AOAH: variants seen among roughly 807,000 people sequenced by gnomAD.
The protein encoded by AOAH is acyloxyacyl hydrolase.
In AOAH, 64 loss-of-function variants were observed where a neutral mutation model predicts 92.2. That is an observed-to-expected ratio of 0.69 (90% confidence interval 0.57 to 0.86). AOAH has a LOEUF of 0.86. Among genes scored for constraint, AOAH ranks in the 40% least tolerant of loss-of-function variants. AOAH has a pLI of 0.00. For synonymous variants in AOAH, 263 were observed against 254.5 expected (o/e 1.03, Z -0.32); for missense variants, 656 against 694.6 (o/e 0.94, Z 0.62).
At chr7:36,545,155 T>C (rs2116261191) in intron 15 of AOAH, among the ~76,000 whole-genome samples, 1 of 152,200 alleles carries the variant, frequency 6.6e-6, no homozygotes, top group South Asian at 2.1e-4. Flanking sequence ...GGGCTCAAGC[T>C]ATCCTCCCAC....
At chr7:36,534,658 T>A (rs546462052) in intron 16 of AOAH, among the ~76,000 whole-genome samples, 1 of 146,148 alleles carries the variant, frequency 6.8e-6, no homozygotes, top group Non-Finnish European at 1.6e-5. Flanking sequence ...TTATCTTTGT[T>A]TCTTTAATGT....
At chr7:36,687,737 G>A (rs879373117) in intron 1 of AOAH, among the ~76,000 whole-genome samples, 1 of 152,180 alleles carries the variant, frequency 6.6e-6, no homozygotes, top group African/African-American at 2.4e-5. Flanking sequence ...TGGGCCAGCA[G>A]TAGGCTCTTG....
rs7784740 is a variant in AOAH, at chr7:36,675,129, G to A, written c.224-1120C>T. On this transcript the variant is annotated intron_variant, in intron 2 of 20. Coordinates refer to ENST00000617537, the MANE Select transcript of AOAH (RefSeq NM_001637.4). Reference sequence around the variant, plus strand: ...AAATTAGCTGGGTGTAGTGGCAGGTGCTTGTAATCCCAGTTACTAGGGAGG... The same window carrying A: ...AAATTAGCTGGGTGTAGTGGCAGGTACTTGTAATCCCAGTTACTAGGGAGG... Among the ~76,000 whole-genome samples, 1,000 of 152,274 alleles carry A rather than the reference G, an allele frequency of 6.6e-3. 13 individuals are homozygous for A. The highest frequency in any genetic ancestry group is 0.023 in the African/African-American group (962 of 41,570).
At chr7:36,722,113 A>G (rs1584200047) in intron 1 of AOAH, among the ~76,000 whole-genome samples, 1 of 151,912 alleles carries the variant, frequency 6.6e-6, no homozygotes, top group Non-Finnish European at 1.5e-5. Flanking sequence ...TCCGAATACC[A>G]CCTCCTAACC....
chr7:36,530,414 T>C lies in AOAH; in HGVS notation c.1522+4A>G. The stretch of plus-strand genomic sequence containing the variant: ...TCTGTCAATACCCAAACAAAGCTAC[T>C]TACTTTCATGGAAGGCAAAATCCAT... On this transcript the variant is annotated splice_donor_region_variant and intron_variant, in intron 19 of 20. Coordinates refer to ENST00000617537, the MANE Select transcript of AOAH (RefSeq NM_001637.4). 6.2e-7 allele frequency: 1 copy of C among 1,601,168 alleles called. No homozygotes were observed. The highest frequency in any genetic ancestry group is 8.6e-7 in the Non-Finnish European group (1 of 1,168,252).
chr7:36,535,034 GTC>G (rs1491221358), intron 16 of AOAH, among the ~76,000 whole-genome samples: 22 of 121,230 alleles, frequency 1.8e-4, no homozygotes, highest in South Asian at 5.6e-4. Context: ...CTGTGTGTGT[GTC>G]TGTGTGTGTG....
At position 36,516,429 on chromosome 7, in the gene AOAH, C is replaced by T. The variant is rs1276831199; in HGVS notation, c.1600-3049G>A. Among the ~76,000 whole-genome samples, 7 of 116,812 alleles carry T rather than the reference C, an allele frequency of 6.0e-5. No individual in the cohort carries two copies. Among genetic ancestry groups the T allele is most frequent in the African/African-American group, 8.7e-5 (3 of 34,640 alleles). 76.6% of individuals were successfully genotyped at this position (116,812 alleles called of 152,430 possible). On this transcript the variant is annotated intron_variant, in intron 20 of 20. Transcript: ENST00000617537. The surrounding 1 kb of genome is among the most constrained non-coding windows in gnomAD (Gnocchi z 5.0). ...ACCACACACACCCCCACAGAAAGCACGCAGATACCCCCCCCACACACACAG... is the reference window on the plus strand; with the variant it reads ...ACCACACACACCCCCACAGAAAGCATGCAGATACCCCCCCCACACACACAG...
intron 13 of AOAH, among the ~76,000 whole-genome samples, chr7:36,551,872 T>C (rs2392440): frequency 0.96 from 145,666 of 152,196 alleles, 69,994 homozygotes; most frequent in Non-Finnish European, 1. Context: ...ATCTTCTTTC[T>C]TTTTTGTAGT....
intron 20 of AOAH, among the ~76,000 whole-genome samples, chr7:36,514,181 G>C (rs1274606575): frequency 6.6e-6 from 1 of 152,104 alleles, no homozygotes; most frequent in African/African-American, 2.4e-5. Context: ...GGATCTCTCT[G>C]AAGAAGGTGG....
At chr7:36,720,475 A>G (rs1259983631) in intron 1 of AOAH, among the ~76,000 whole-genome samples, 2 of 151,880 alleles carry the variant, frequency 1.3e-5, no homozygotes. Flanking sequence ...ACGACCTAAA[A>G]TCTTAAAGTT....
At chr7:36,528,295 T>C (rs922229926) in intron 19 of AOAH, among the ~76,000 whole-genome samples, 5 of 152,266 alleles carry the variant, frequency 3.3e-5, no homozygotes, top group Admixed American at 1.3e-4. Context: ...CACGTTGATG[T>C]AGAATGTTCA....
chr7:36,522,847 C>T (rs534600779), intron 19 of AOAH, among the ~76,000 whole-genome samples: 4 of 152,262 alleles, frequency 2.6e-5, no homozygotes, highest in Non-Finnish European at 5.9e-5. Context: ...ACTTGCCCAG[C>T]GTCCAGTGAG....
intron 1 of AOAH, among the ~76,000 whole-genome samples, chr7:36,723,277 A>T (rs1401419534): frequency 6.6e-6 from 1 of 152,112 alleles, no homozygotes; most frequent in Non-Finnish European, 1.5e-5. Context: ...GAGAATTCCC[A>T]TGTTATGAGA....
chr7:36,531,888 G>GTGTGTACACACA (rs559533693), intron 18 of AOAH, among the ~76,000 whole-genome samples: 23 of 152,032 alleles, frequency 1.5e-4, no homozygotes, highest in African/African-American at 5.3e-4. Flanking sequence ...ACAGGGGAGG[G>GTGTGTACACACA]TGTGTACACA....
intron 19 of AOAH, among the ~76,000 whole-genome samples, chr7:36,527,748 C>G (rs186018651): frequency 8.5e-5 from 13 of 152,300 alleles, no homozygotes; most frequent in Admixed American, 3.3e-4. Context: ...TATTCTGTGT[C>G]TGAGCTGGAA....
chr7:36,602,170 T>C (rs562277138), intron 11 of AOAH, among the ~76,000 whole-genome samples: 2 of 152,290 alleles, frequency 1.3e-5, no homozygotes, highest in African/African-American at 2.4e-5. Context: ...TAGCAAAATA[T>C]GACAAGTAAA....
At chr7:36,532,409 G>A (rs1784751283) in intron 16 of AOAH, 65 bp from the exon 17 acceptor site, 16 of 1,480,616 alleles carry the variant, frequency 1.1e-5, no homozygotes, top group Non-Finnish European at 1.1e-5. Context: ...GAGGCACCTG[G>A]GGGCTTCCCT....
chr7:36,514,767 C>T (rs1411499369), intron 20 of AOAH: 14 of 568,240 alleles, frequency 2.5e-5, no homozygotes, highest in Non-Finnish European at 3.8e-5. Context: ...GACTTTTCCC[C>T]ACAGGGCAGC....
chr7:36,596,280 C>G (rs529419795), intron 11 of AOAH, among the ~76,000 whole-genome samples: 1 of 146,606 alleles, frequency 6.8e-6, no homozygotes, highest in Non-Finnish European at 1.5e-5. Flanking sequence ...AATCTTTAAA[C>G]TGGGAAAAAC....
Sources: gnomAD v4.1 joint callset for allele counts (sites outside exome capture counted in the v4.1 genomes callset) on GRCh38, gnomAD v4.1.1 for gene constraint, Gnocchi (gnomAD v3.1) non-coding constraint, MANE v1.5 for transcripts, NCBI Gene and HGNC (gene_info 2026-07-23, HGNC 2026-07-21) for gene names.